Variants in CNTLN observed in about 807,000 individuals in gnomAD.
The protein encoded by CNTLN is centlein.
Under a neutral mutation model 180.0 loss-of-function variants are expected in CNTLN, and 212 were observed. The ratio of observed to expected loss-of-function variants is 1.18; its 90% CI spans 1.05 to 1.32. The LOEUF (loss-of-function observed/expected upper bound fraction) is 1.32, where lower values mean the gene tolerates loss of function less well. Among genes scored for constraint, CNTLN ranks in the 40% most tolerant of loss-of-function variants. The pLI, the probability that CNTLN is intolerant of heterozygous loss-of-function variation, is 0.00. For missense variants in CNTLN, 2,095 were observed against 1,610.9 expected (o/e 1.30, Z -5.14); for synonymous variants, 722 against 563.1 (o/e 1.28, Z -3.99).
At chr9:17,330,949 G>C (rs1820603966) in intron 9 of CNTLN, 141 bp downstream of exon 9, 2 of 680,920 alleles carry the variant, frequency 2.9e-6, no homozygotes, top group Non-Finnish European at 4.8e-6. Context: ...CCGAACTCTT[G>C]TTAAATAAGT....
chr9:17,344,522 A>G (rs1821725955), intron 12 of CNTLN, among the ~76,000 whole-genome samples: 1 of 152,118 alleles, frequency 6.6e-6, no homozygotes, highest in Non-Finnish European at 1.5e-5. Context: ...GCTGTGTGAT[A>G]GTCAGTCTGC....
intron 13 of CNTLN, among the ~76,000 whole-genome samples, chr9:17,383,253 G>A (rs2133607260): frequency 6.6e-6 from 1 of 152,214 alleles, no homozygotes; most frequent in East Asian, 1.9e-4. Flanking sequence ...TTACCAACAT[G>A]GCGCTGTGGC....
At chr9:17,392,627 G>A (rs1826197667) in intron 14 of CNTLN, among the ~76,000 whole-genome samples, 1 of 152,110 alleles carries the variant, frequency 6.6e-6, no homozygotes, top group Non-Finnish European at 1.5e-5. Flanking sequence ...CAGGTCATGT[G>A]TAGGTCCTTT....
intron 13 of CNTLN, among the ~76,000 whole-genome samples, chr9:17,377,738 GA>G (rs1379451370): frequency 3.3e-5 from 5 of 152,134 alleles, no homozygotes; most frequent in African/African-American, 1.2e-4. Flanking sequence ...CTCATTTATA[GA>G]ATCAGTGGTT....
At chr9:17,332,563 G>A in intron 9 of CNTLN, 42 bp from the exon 10 acceptor site, 1 of 1,543,866 alleles carries the variant, frequency 6.5e-7, no homozygotes, top group South Asian at 1.3e-5. Context: ...TCATAATCCA[G>A]TGTTCCAACT....
intron 6 of CNTLN, among the ~76,000 whole-genome samples, chr9:17,285,697 C>G: frequency 9.9e-6 from 1 of 101,292 alleles, no homozygotes; most frequent in South Asian, 4.8e-4. Context: ...GATTGCCATT[C>G]TAACTGGTGT....
intron 8 of CNTLN, among the ~76,000 whole-genome samples, chr9:17,309,945 T>G (rs778838476): frequency 4.3e-4 from 66 of 152,218 alleles, no homozygotes; most frequent in Non-Finnish European, 7.9e-4. Context: ...ATTGTAATTT[T>G]TGAACGCAGC....
intron 12 of CNTLN, among the ~76,000 whole-genome samples, chr9:17,344,895 A>G (rs1012160139): frequency 6.6e-6 from 1 of 152,120 alleles, no homozygotes; most frequent in African/African-American, 2.4e-5. Context: ...TTTGTAGTCA[A>G]ATCTTCCTAC....
intron 18 of CNTLN, among the ~76,000 whole-genome samples, chr9:17,456,062 A>T (rs1831096506): frequency 6.6e-6 from 1 of 152,048 alleles, no homozygotes; most frequent in Admixed American, 6.6e-5. Context: ...TCTTAATGAG[A>T]TAATGAGGGT....
At chr9:17,281,759 T>C (rs1427789656) in intron 6 of CNTLN, among the ~76,000 whole-genome samples, 1 of 152,204 alleles carries the variant, frequency 6.6e-6, no homozygotes, top group Non-Finnish European at 1.5e-5. Context: ...CACGTGTATG[T>C]ATCTTTATAA....
In CNTLN at chr9:17,484,440, G is replaced by C. The variant is rs768064184; in HGVS notation, c.4001G>C (p.Arg1334Pro). Reference sequence around the variant, plus strand: ...GCAGCTTCTATCCTGAACATTTCACGGTCAGATTTAGAGGAAATATTAGAC... The same window carrying C: ...GCAGCTTCTATCCTGAACATTTCACCGTCAGATTTAGAGGAAATATTAGAC... The part of the protein sequence containing the change: ...TLAASILNIS[R>P]SDLEEILDTE... The change falls in exon 24 of 26, where the codon CGG (arginine) becomes CCG (proline). Residue 1334 changes from arginine (R) to proline (P), a missense_variant. Coordinates refer to ENST00000380647, the MANE Select transcript of CNTLN (RefSeq NM_017738.4). 1 of 1,605,346 alleles carries C rather than the reference G, an allele frequency of 6.2e-7. No individual in the cohort carries two copies. The highest frequency in any genetic ancestry group is 8.5e-7 in the Non-Finnish European group (1 of 1,177,962).
chr9:17,342,665 C>A (rs948092728), intron 12 of CNTLN, among the ~76,000 whole-genome samples: 25 of 152,142 alleles, frequency 1.6e-4, no homozygotes, highest in African/African-American at 6.0e-4. Context: ...ATAATATGAT[C>A]TAGGGATTGT....
At chr9:17,319,918 T>C (rs1004066324) in intron 8 of CNTLN, among the ~76,000 whole-genome samples, 1 of 152,198 alleles carries the variant, frequency 6.6e-6, no homozygotes, top group Admixed American at 6.5e-5. Context: ...TCATAGGGGA[T>C]TGAAACCTGT....
intron 12 of CNTLN, among the ~76,000 whole-genome samples, chr9:17,352,238 A>T (rs974106512): frequency 1.1e-4 from 17 of 152,048 alleles, no homozygotes; most frequent in Admixed American, 1.0e-3. Context: ...TTGGGGTTAA[A>T]TATTAAATAT....
chr9:17,374,195 C>G (rs1018011098), intron 13 of CNTLN, among the ~76,000 whole-genome samples: 1 of 151,862 alleles, frequency 6.6e-6, no homozygotes, highest in Non-Finnish European at 1.5e-5. Flanking sequence ...GAGTGGGAGA[C>G]AATATTTGCA....
chr9:17,352,020 A>G (rs1283540385), intron 12 of CNTLN, among the ~76,000 whole-genome samples: 14 of 152,174 alleles, frequency 9.2e-5, no homozygotes, highest in African/African-American at 1.4e-4. Context: ...AAGTTTGTCA[A>G]TGAAGGCAGT....
intron 2 of CNTLN, among the ~76,000 whole-genome samples, chr9:17,156,873 G>C (rs1337523189): frequency 6.6e-6 from 1 of 152,186 alleles, no homozygotes; most frequent in Non-Finnish European, 1.5e-5. Context: ...ATATTAGCTA[G>C]CCTATGGACT....
At chr9:17,147,444 T>C (rs1818531627) in intron 2 of CNTLN, among the ~76,000 whole-genome samples, 1 of 152,168 alleles carries the variant, frequency 6.6e-6, no homozygotes, top group South Asian at 2.1e-4. Context: ...CTCTCTATAC[T>C]TACTAATTGG....
chr9:17,212,853 T>C (rs1201629383), intron 2 of CNTLN, among the ~76,000 whole-genome samples: 2 of 152,356 alleles, frequency 1.3e-5, no homozygotes, highest in East Asian at 3.9e-4. Context: ...GATGTGTTTA[T>C]AGTATTCTCT....
Sources: allele counts gnomAD v4.1 joint callset (sites outside exome capture counted in the v4.1 genomes callset), GRCh38; gene constraint gnomAD v4.1.1; transcripts MANE v1.5; gene names NCBI Gene and HGNC (gene_info 2026-07-23, HGNC 2026-07-21).